The following NOP9 variants were observed in gnomAD, a reference collection of about 807,000 sequenced individuals.
The protein encoded by NOP9 is NOP9 nucleolar protein, also known as nucleolar protein 9.
Under a neutral mutation model 63.0 loss-of-function variants are expected in NOP9, and 50 were observed. The ratio of observed to expected loss-of-function variants is 0.79; its 90% CI spans 0.63 to 1.00. The LOEUF (loss-of-function observed/expected upper bound fraction) is 1.00. Ranked by LOEUF, NOP9 falls within the 50% of genes least tolerant of loss-of-function variation. The pLI, the probability that NOP9 is intolerant of heterozygous loss-of-function variation, is 0.00. For synonymous variants in NOP9, 343 were observed against 332.8 expected (o/e 1.03, Z -0.33); for missense variants, 758 against 803.0 (o/e 0.94, Z 0.68).
chr14:24,292,770 C>T, the NOP9 span: 1 of 1,612,832 alleles, frequency 6.2e-7, no homozygotes, highest in Non-Finnish European at 8.5e-7. Context: ...ATACACTGAG[C>T]AAAAGTAGTG....
chr14:24,295,055 C>T (rs1226769353), upstream of NOP9, among the ~76,000 whole-genome samples: 2 of 152,116 alleles, frequency 1.3e-5, no homozygotes. Context: ...ATTTTTCCCA[C>T]AGTCTCTATA....
Position 24,300,779 on chromosome 14 carries a change from G to A in NOP9, c.619G>A (p.Val207Ile), listed in dbSNP as rs201940616. The A allele has an allele frequency of 2.5e-6, 4 of 1,614,092 alleles. No individual in the cohort carries two copies. Among genetic ancestry groups the A allele is most frequent in the Admixed American group, 3.3e-5 (2 of 60,002 alleles). Residue 207 changes from valine to isoleucine, a missense_variant, in exon 2 of 10, where the codon GTC becomes ATC. Coordinates refer to ENST00000267425, the MANE Select transcript of NOP9 (RefSeq NM_174913.3). Reference sequence around the variant, plus strand: ...TGGAGACACACATGGCAGCTTCGTGGTCAGAACTCTGCTTCAGGTGTTAGG... The same window carrying A: ...TGGAGACACACATGGCAGCTTCGTGATCAGAACTCTGCTTCAGGTGTTAGG... ...YCGDTHGSFV[V>I]RTLLQVLGGT...
chr14:24,278,049 T>C, the NOP9 span, among the ~76,000 whole-genome samples: 1 of 152,264 alleles, frequency 6.6e-6, no homozygotes, highest in East Asian at 1.9e-4. Flanking sequence ...TTCTTATCTC[T>C]TGCAACAGGG....
At chr14:24,290,511 T>C in the NOP9 span, 13 of 245,890 alleles carry the variant, frequency 5.3e-5, no homozygotes, top group African/African-American at 3.0e-4. Flanking sequence ...CAGAACCCCT[T>C]GAGAAGCTTC....
At position 24,307,957 on chromosome 14, in the gene NOP9, A is replaced by G; in HGVS notation, c.*2862A>G. ...TTTTCTGTTACAAACCTGGGATCTCAGCCCAGGACAAGGTGGGAATGAGTC... is the reference window on the plus strand; with the variant it reads ...TTTTCTGTTACAAACCTGGGATCTCGGCCCAGGACAAGGTGGGAATGAGTC... On this transcript the variant is annotated 3_prime_UTR_variant, in exon 10 of 10. Transcript: ENST00000267425. The G allele has an allele frequency of 8.9e-7, 1 of 1,124,778 alleles. No homozygotes were observed. The highest frequency in any genetic ancestry group is 1.3e-6 in the Non-Finnish European group (1 of 760,160). The allele number at this position is 1,124,778 out of a possible 1,614,324, so 69.7% of individuals were successfully genotyped here. A position where few individuals can be genotyped will look rare whatever the true frequency, so the allele number is the denominator to read the frequency against.
chr14:24,289,056 A>G, the NOP9 span, among the ~76,000 whole-genome samples: 2 of 148,122 alleles, frequency 1.4e-5, no homozygotes, highest in Non-Finnish European at 3.0e-5. Flanking sequence ...GCTCACTGCA[A>G]CCTCCTGGGA....
chr14:24,283,994 C>T, the NOP9 span, among the ~76,000 whole-genome samples: 35 of 152,324 alleles, frequency 2.3e-4, 1 homozygote, highest in Non-Finnish European at 1.5e-4. Context: ...TAGGCCAGGG[C>T]ACCCATGGGC....
chr14:24,282,460 C>T, the NOP9 span, among the ~76,000 whole-genome samples: 123 of 152,230 alleles, frequency 8.1e-4, no homozygotes, highest in African/African-American at 2.8e-3. Context: ...TTCTCTCAGC[C>T]CCTACAATAA....
Position 24,300,571 on chromosome 14 carries a change from C to T in NOP9, c.411C>T (p.Ala137=). ...AALRSNLRTV[A]CHRCGVHVLQ... is the part of the protein sequence containing the mutation. ...TGCGCTCTAACTTGCGCACTGTGGC[C>T]TGTCACCGATGCGGGGTCCATGTAT... The change falls in exon 2 of 10, where the codon GCC becomes GCT. Residue 137 remains alanine (A), a synonymous_variant. Coordinates refer to ENST00000267425, the MANE Select transcript of NOP9 (RefSeq NM_174913.3). 1.9e-6 allele frequency: 3 copies of T among 1,614,228 alleles called. No individual in the cohort carries two copies. The highest frequency in any genetic ancestry group is 2.7e-5 in the African/African-American group (2 of 75,058).
the NOP9 span, among the ~76,000 whole-genome samples, chr14:24,273,214 T>G: frequency 6.6e-6 from 1 of 151,350 alleles, no homozygotes; most frequent in South Asian, 2.1e-4. Context: ...GGTCTCACTC[T>G]GTTGCCCAGG....
the NOP9 span, chr14:24,293,013 G>T: frequency 3.8e-6 from 2 of 524,432 alleles, no homozygotes; most frequent in Non-Finnish European, 6.5e-6. Flanking sequence ...AGAAGAAATG[G>T]AACGCAAGAG....
At chr14:24,296,519 C>A (rs764337928), upstream of NOP9, 1 of 1,614,142 alleles carries the variant, frequency 6.2e-7, no homozygotes, top group East Asian at 2.2e-5. Context: ...CTGAGTCCGA[C>A]GTTGTTGATA....
chr14:24,298,905 A>G, upstream of NOP9: 1 of 1,552,614 alleles, frequency 6.4e-7, no homozygotes, highest in South Asian at 1.2e-5. Context: ...TGTTAAGTGG[A>G]AGGGCTCTCT....
the NOP9 span, chr14:24,291,449 A>C: frequency 7.8e-7 from 1 of 1,282,230 alleles, no homozygotes; most frequent in South Asian, 1.2e-5. Flanking sequence ...CAGAGAAAAG[A>C]ATGACATGTT....
At position 24,305,817 on chromosome 14, in the gene NOP9, A is replaced by C. The variant is rs190658062; in HGVS notation, c.*722A>C. 1 of 1,603,012 alleles carries C rather than the reference A, an allele frequency of 6.2e-7. No individual in the cohort carries two copies. Among genetic ancestry groups the C allele is most frequent in the Admixed American group, 1.7e-5 (1 of 59,072 alleles). ...AGATGATTTGGAAAACTTGGGAGGA[A>C]GCCATCAAGCTGGGAGATGAGGACT... On this transcript the variant is annotated 3_prime_UTR_variant, in exon 10 of 10. Coordinates refer to ENST00000267425, the MANE Select transcript of NOP9 (RefSeq NM_174913.3).
In NOP9 at chr14:24,305,089, A is replaced by G. The variant is rs1246986088; in HGVS notation, c.1905A>G (p.Glu635=). Residue 635 remains glutamate, a synonymous_variant, in exon 10 of 10, where the codon GAA becomes GAG. Coordinates refer to ENST00000267425, the MANE Select transcript of NOP9 (RefSeq NM_174913.3). ...KRRRALNSIL[E]D ...GGCGGGCATTGAACTCCATACTTGA[A>G]GACTGAGGCTTTGGATCTGGGACTG... 11 of 1,521,054 alleles carry G rather than the reference A, an allele frequency of 7.2e-6. No homozygotes were observed. The highest frequency in any genetic ancestry group is 8.8e-6 in the Non-Finnish European group (10 of 1,130,122). The allele number at this position is 1,521,054 out of a possible 1,614,324, so 94.2% of individuals were successfully genotyped here. A position where few individuals can be genotyped will look rare whatever the true frequency, so the allele number is the denominator to read the frequency against.
chr14:24,286,042 C>T, the NOP9 span, among the ~76,000 whole-genome samples: 1 of 152,272 alleles, frequency 6.6e-6, no homozygotes, highest in South Asian at 2.1e-4. Context: ...CCCTGGGCTC[C>T]TTTGAGGAAT....
At chr14:24,289,233 C>T in the NOP9 span, among the ~76,000 whole-genome samples, 3 of 152,118 alleles carry the variant, frequency 2.0e-5, no homozygotes, top group East Asian at 1.9e-4. Context: ...CCACCTGCCT[C>T]GGCCTCCCAA....
In NOP9 at chr14:24,308,596, C is replaced by A. The variant is rs1387124479; in HGVS notation, c.*3501C>A. 1 of 153,176 alleles carries A rather than the reference C, an allele frequency of 6.5e-6. No homozygotes were observed. Among genetic ancestry groups the A allele is most frequent in the Non-Finnish European group, 1.5e-5 (1 of 68,734 alleles). 9.5% of individuals were successfully genotyped at this position (153,176 alleles called of 1,614,324 possible). ...ATCTTCTCTCACTTTTCTCCTTTTGCCGATTAGTGGACGTGACAGAGATGT... is the reference window on the plus strand; with the variant it reads ...ATCTTCTCTCACTTTTCTCCTTTTGACGATTAGTGGACGTGACAGAGATGT... On this transcript the variant is annotated 3_prime_UTR_variant, in exon 10 of 10. Transcript: ENST00000267425.
Sources: allele counts gnomAD v4.1 joint callset (sites outside exome capture counted in the v4.1 genomes callset), GRCh38; gene constraint gnomAD v4.1.1; transcripts MANE v1.5; gene names NCBI Gene and HGNC (gene_info 2026-07-23, HGNC 2026-07-21).